The following ADPRHL1 variants were observed in gnomAD, a reference collection of about 807,000 sequenced individuals.
ADPRHL1 encodes the protein ADP-ribosylhydrolase like 1.
Under a neutral mutation model 44.1 loss-of-function variants are expected in ADPRHL1, and 43 were observed. The observed-to-expected ratio is 0.98, with a 90% CI of 0.76 to 1.26. The LOEUF (loss-of-function observed/expected upper bound fraction) is 1.26, where lower values mean the gene tolerates loss of function less well. Ranked by LOEUF, ADPRHL1 falls within the 50% of genes most tolerant of loss-of-function variation. ADPRHL1 has a pLI of 0.00. For synonymous variants in ADPRHL1, 878 were observed against 1,017.4 expected (o/e 0.86, Z 2.61); for missense variants, 2,022 against 2,496.9 (o/e 0.81, Z 4.05).
Position 113,402,729 on chromosome 13 carries a change from G to A in ADPRHL1, c.*649C>T, listed in dbSNP as rs1223272019. On this transcript the variant is annotated 3_prime_UTR_variant, in exon 8 of 8. Coordinates refer to ENST00000612156, the MANE Select transcript of ADPRHL1 (RefSeq NM_001394807.1). Reference sequence around the variant, plus strand: ...TTTCCTGAGGCCTCTTCCTCCGGATGAGCTGGTTTCGGCCTGGGATCCCAG... The same window carrying A: ...TTTCCTGAGGCCTCTTCCTCCGGATAAGCTGGTTTCGGCCTGGGATCCCAG... 1.3e-5 allele frequency: 2 copies of A among 152,526 alleles called. No homozygotes were observed. Among genetic ancestry groups the A allele is most frequent in the South Asian group, 2.1e-4 (1 of 4,840 alleles). 9.4% of individuals were successfully genotyped at this position (152,526 alleles called of 1,614,324 possible). A position where few individuals can be genotyped will look rare whatever the true frequency, so the allele number is the denominator to read the frequency against.
chr13:113,448,721 G>C (rs1440087280), intron 1 of ADPRHL1, among the ~76,000 whole-genome samples: 2 of 152,208 alleles, frequency 1.3e-5, no homozygotes, highest in African/African-American at 4.8e-5. Context: ...GAAGTTGGCT[G>C]AGTGAGCCTC....
At chr13:113,426,698 G>A (rs188696641) in intron 4 of ADPRHL1, among the ~76,000 whole-genome samples, 2 of 152,358 alleles carry the variant, frequency 1.3e-5, no homozygotes, top group East Asian at 3.9e-4. Flanking sequence ...AGACGCAAAA[G>A]TAAGAGGGCA....
chr13:113,441,692 C>T lies in ADPRHL1; in HGVS notation c.379+2733G>A, dbSNP rs2139645780. ...CCATACAGTTACCATTTCTGTAACA[C>T]TCTATCCCGCTGCGTGGGTCCATGT... On this transcript the variant is annotated intron_variant, in intron 2 of 7. Coordinates refer to ENST00000612156, the MANE Select transcript of ADPRHL1 (RefSeq NM_001394807.1). The surrounding 1 kb of genome is among the most constrained non-coding windows in gnomAD (Gnocchi z 6.0). Among the ~76,000 whole-genome samples the T allele has an allele frequency of 6.6e-6, 1 of 152,272 alleles. No individual in the cohort carries two copies. Among genetic ancestry groups the T allele is most frequent in the East Asian group, 1.9e-4 (1 of 5,186 alleles).
At position 113,453,124 on chromosome 13, in the gene ADPRHL1, G is replaced by C; in HGVS notation, c.214+100C>G. ...TATCAGGTAACACCATCCGCTGAAG[G>C]ACCGCACTGCCTTCAAAGCTCTCGG... On this transcript the variant is annotated intron_variant, in intron 1 of 7. Coordinates refer to ENST00000612156, the MANE Select transcript of ADPRHL1 (RefSeq NM_001394807.1). The surrounding 1 kb of genome is among the most constrained non-coding windows in gnomAD (Gnocchi z 5.4). The C allele has an allele frequency of 7.6e-7, 1 of 1,314,756 alleles. No individual in the cohort carries two copies. Among genetic ancestry groups the C allele is most frequent in the Non-Finnish European group, 1.1e-6 (1 of 934,142 alleles). 81.4% of individuals were successfully genotyped at this position (1,314,756 alleles called of 1,614,324 possible). A position where few individuals can be genotyped will look rare whatever the true frequency, so the allele number is the denominator to read the frequency against.
chr13:113,420,143 A>T (rs547205776), intron 7 of ADPRHL1, among the ~76,000 whole-genome samples: 121 of 152,318 alleles, frequency 7.9e-4, no homozygotes, highest in Non-Finnish European at 1.1e-3. Context: ...GCAAAAATGA[A>T]ACCTGCCGGT....
rs376153176 is a variant in ADPRHL1, at chr13:113,430,088, C to A, written c.506-996G>T. 1.0e-3 allele frequency among the ~76,000 whole-genome samples: 154 copies of A among 152,338 alleles called. 4 individuals are homozygous for A. In the South Asian group the frequency reaches 0.031, roughly 31 times the overall value. ...TCCACACAGCCAGCCCTGCACCTCA[C>A]GGAGCAGGTGGCACTGGGTGCGCAG... On this transcript the variant is annotated intron_variant, in intron 3 of 7. Coordinates refer to ENST00000612156, the MANE Select transcript of ADPRHL1 (RefSeq NM_001394807.1).
At chr13:113,425,404 T>C (rs2043961093) in intron 4 of ADPRHL1, among the ~76,000 whole-genome samples, 1 of 152,190 alleles carries the variant, frequency 6.6e-6, no homozygotes, top group African/African-American at 2.4e-5. Flanking sequence ...GCTGCTTTCT[T>C]TCTTTCTTTT....
intron 7 of ADPRHL1, chr13:113,410,076 C>T (rs186869920): frequency 1.2e-3 from 1,228 of 985,386 alleles, no homozygotes; most frequent in Non-Finnish European, 1.3e-3. Flanking sequence ...GAGGTGACAG[C>T]GGCTGACCAC....
At chr13:113,440,336 A>T (rs2044088431) in intron 2 of ADPRHL1, among the ~76,000 whole-genome samples, 1 of 152,192 alleles carries the variant, frequency 6.6e-6, no homozygotes, top group South Asian at 2.1e-4. Flanking sequence ...TCCATTTACT[A>T]GGATGAAATT....
At position 113,407,063 on chromosome 13, in the gene ADPRHL1, C is replaced by T; in HGVS notation, c.2219G>A (p.Gly740Asp). ...TGCGGTGGGGTCTGCAGTCCCATCA[C>T]CTCCGGCTGATCCGGTGCCCCAAGG... ...ASPWGTGSAG[G>D]DGTADPTAES... is the part of the protein sequence containing the mutation. The change falls in exon 8 of 8, where the codon GGT becomes GAT. Residue 740 changes from glycine to aspartate, a missense_variant. Coordinates refer to ENST00000612156, the MANE Select transcript of ADPRHL1 (RefSeq NM_001394807.1). The T allele has an allele frequency of 6.5e-6, 8 of 1,232,306 alleles. No individual in the cohort carries two copies. Among genetic ancestry groups the T allele is most frequent in the Non-Finnish European group, 8.1e-6 (8 of 988,106 alleles). 76.3% of individuals were successfully genotyped at this position (1,232,306 alleles called of 1,614,324 possible). A position where few individuals can be genotyped will look rare whatever the true frequency, so the allele number is the denominator to read the frequency against.
At chr13:113,430,058 C>T (rs961135657) in intron 3 of ADPRHL1, among the ~76,000 whole-genome samples, 4 of 152,186 alleles carry the variant, frequency 2.6e-5, no homozygotes, top group Admixed American at 2.6e-4. Context: ...GAGCTCACCC[C>T]GCAGTCCACA....
Position 113,424,344 on chromosome 13 carries a change from G to A in ADPRHL1, c.780C>T (p.Tyr260=), listed in dbSNP as rs777989480. The A allele has an allele frequency of 3.1e-6, 5 of 1,612,750 alleles. No homozygotes were observed. The East Asian group carries it at 6.7e-5, about 22-fold the overall frequency. ...CTCGACCTTCCGAGCTCCACTTCCT[G>A]TAGGTCTGACAAGAGAGCCGTGGGT... ...NYDAEEREKT[Y]RKWSSEGRGG... is the part of the protein sequence containing the mutation. The change falls in exon 6 of 8, where the codon TAC becomes TAT. Residue 260 remains tyrosine, a synonymous_variant. Coordinates refer to ENST00000612156, the MANE Select transcript of ADPRHL1 (RefSeq NM_001394807.1).
At position 113,407,588 on chromosome 13, in the gene ADPRHL1, G is replaced by T; in HGVS notation, c.1694C>A (p.Ala565Asp). 8.1e-7 allele frequency: 1 copy of T among 1,232,180 alleles called. No homozygotes were observed. Among genetic ancestry groups the T allele is most frequent in the Non-Finnish European group, 1.0e-6 (1 of 988,060 alleles). The allele number at this position is 1,232,180 out of a possible 1,614,324, so 76.3% of individuals were successfully genotyped here. Residue 565 changes from alanine (A) to aspartate (D), a missense_variant, in exon 8 of 8, where the codon GCC (alanine) becomes GAC (aspartate). Ala to Asp is a moderately radical substitution (Grantham distance 126, BLOSUM62 -2). Coordinates refer to ENST00000612156, the MANE Select transcript of ADPRHL1 (RefSeq NM_001394807.1). ...CTGCGTGTGCAGCCTCAGCGCACTG[G>T]CCTCGGAGCACAGGCAGCTGTTCTG... ...FEQNSCLCSE[A>D]SALRLHTQER...
intron 1 of ADPRHL1, among the ~76,000 whole-genome samples, chr13:113,448,271 G>A (rs111356033): frequency 0.019 from 2,899 of 151,868 alleles, 51 homozygotes; most frequent in Non-Finnish European, 0.024. Context: ...GGGATGGGCA[G>A]ATCATAAGGT....
At chr13:113,411,346 A>G (rs939562441) in intron 7 of ADPRHL1, among the ~76,000 whole-genome samples, 1 of 152,022 alleles carries the variant, frequency 6.6e-6, no homozygotes, top group African/African-American at 2.4e-5. Flanking sequence ...CCCCTTGTCG[A>G]GGCTGAGCGT....
At chr13:113,422,774 GC>G (rs750394697) in intron 7 of ADPRHL1, 51 bp downstream of exon 7, 25 of 1,607,478 alleles carry the variant, frequency 1.6e-5, no homozygotes, top group Non-Finnish European at 1.9e-5. Context: ...GGCCCTACGG[GC>G]CCCGGGGTGG....
chr13:113,428,895 G>C, intron 4 of ADPRHL1, 57 bp downstream of exon 4: 1 of 1,604,330 alleles, frequency 6.2e-7, no homozygotes, highest in East Asian at 2.2e-5. Context: ...CCCATGGAGG[G>C]GCTGGATCTG....
At chr13:113,450,505 C>T (rs536968599) in intron 1 of ADPRHL1, among the ~76,000 whole-genome samples, 3 of 152,152 alleles carry the variant, frequency 2.0e-5, no homozygotes, top group East Asian at 1.9e-4. Flanking sequence ...GCACGGAGAC[C>T]GGTAGTGGCC....
At position 113,404,792 on chromosome 13, in the gene ADPRHL1, C is replaced by T. The variant is rs113852601; in HGVS notation, c.4490G>A (p.Arg1497Gln). Residue 1497 changes from arginine (R) to glutamine (Q), a missense_variant, in exon 8 of 8, where the codon CGG (arginine) becomes CAG (glutamine). Physicochemically the swap from Arg to Gln is conservative, Grantham distance 43. Around this residue, in one of 8 missense-constraint regions of ADPRHL1, gnomAD observed 1,221 missense variants for 1,517.8 expected, o/e 0.80. Transcript: ENST00000612156. ...QAQKQVQEWD[R>Q]GQVQGHAQEQ... The stretch of plus-strand genomic sequence containing the variant: ...TTGAGCGTGTCCCTGAACCTGTCCC[C>T]GGTCCCATTCCTGAACCTGTTTCTG... 3.4e-5 allele frequency: 43 copies of T among 1,251,846 alleles called. No individual in the cohort carries two copies. The highest frequency in any genetic ancestry group is 2.8e-4 in the African/African-American group (18 of 64,440). The allele number at this position is 1,251,846 out of a possible 1,614,324, so 77.5% of individuals were successfully genotyped here.
Sources: allele counts gnomAD v4.1 joint callset (sites outside exome capture counted in the v4.1 genomes callset), GRCh38; gene constraint gnomAD v4.1.1; regional missense constraint gnomAD v4.1.1; non-coding constraint Gnocchi (gnomAD v3.1); transcripts MANE v1.5; gene names NCBI Gene and HGNC (gene_info 2026-07-23, HGNC 2026-07-21).